The following CTNND2 variants were observed in gnomAD, a reference collection of about 807,000 sequenced individuals.
CTNND2 encodes catenin delta 2, also known as catenin delta-2.
A neutral mutation model predicts 144.4 loss-of-function variants in CTNND2; 22 were observed. The ratio of observed to expected loss-of-function variants is 0.15; its 90% CI spans 0.11 to 0.22. CTNND2 has a LOEUF of 0.22. Ranked by LOEUF, CTNND2 falls within the 10% of genes least tolerant of loss-of-function variation. CTNND2 has a pLI of 1.00. For synonymous variants in CTNND2, 751 were observed against 695.6 expected, an observed-to-expected ratio of 1.08 and a Z score of -1.25; for missense variants, 1,353 against 1,618.8, an observed-to-expected ratio of 0.84 and a Z score of 2.82.
At position 11,683,035 on chromosome 5, in the gene CTNND2, C is replaced by G. The variant is rs150871101; in HGVS notation, c.174+49101G>C. On this transcript the variant is annotated intron_variant, in intron 2 of 21. Transcript: ENST00000304623. ...ACAATTTAAATCACATTTTCTACAT[C>G]ACTTATTTGCCAGTCAATGATGCAT... is the stretch of plus-strand genomic sequence containing the variant. Among the ~76,000 whole-genome samples the G allele has an allele frequency of 6.8e-4, 104 of 152,314 alleles. No individual in the cohort carries two copies. The East Asian group carries it at 0.013, about 20-fold the overall frequency.
chr5:11,453,541 C>T (rs1476718259), intron 3 of CTNND2, among the ~76,000 whole-genome samples: 1 of 152,048 alleles, frequency 6.6e-6, no homozygotes, highest in Non-Finnish European at 1.5e-5. Flanking sequence ...GCCGAAATAT[C>T]AGGGACTCAG....
chr5:11,460,514 T>G (rs1267672759), intron 3 of CTNND2, among the ~76,000 whole-genome samples: 1 of 152,228 alleles, frequency 6.6e-6, no homozygotes, highest in Non-Finnish European at 1.5e-5. Context: ...TACTGTTCTC[T>G]ACTATGCTGT....
At chr5:11,803,466 C>T (rs540902788) in intron 1 of CTNND2, among the ~76,000 whole-genome samples, 136 of 152,332 alleles carry the variant, frequency 8.9e-4, no homozygotes, top group Non-Finnish European at 1.5e-3. Flanking sequence ...CTACTGCTAG[C>T]AGCTACTTAT....
intron 16 of CTNND2, among the ~76,000 whole-genome samples, chr5:11,053,099 G>T (rs181279856): frequency 2.8e-4 from 42 of 152,302 alleles, no homozygotes; most frequent in Admixed American, 2.7e-3. Flanking sequence ...TGACAGATGT[G>T]ATTTGCTGTA....
intron 1 of CTNND2, among the ~76,000 whole-genome samples, chr5:11,790,090 T>C (rs1013913743): frequency 2.0e-5 from 3 of 152,198 alleles, no homozygotes; most frequent in Admixed American, 2.0e-4. Flanking sequence ...GCTTCGAGGA[T>C]TGAATTTGCT....
intron 2 of CTNND2, among the ~76,000 whole-genome samples, chr5:11,679,040 G>T (rs903252667): frequency 5.9e-5 from 9 of 152,062 alleles, no homozygotes; most frequent in African/African-American, 2.2e-4. Context: ...GGAGGGAAAA[G>T]ACTTTTGTTT....
intron 1 of CTNND2, among the ~76,000 whole-genome samples, chr5:11,755,736 G>C (rs1338051450): frequency 6.7e-6 from 1 of 148,434 alleles, no homozygotes; most frequent in East Asian, 2.0e-4. Flanking sequence ...GTTAATACTT[G>C]CAATTATATT....
chr5:11,016,777 A>AT (rs997950998), intron 18 of CTNND2, among the ~76,000 whole-genome samples: 1,499 of 147,438 alleles, frequency 0.01, 20 homozygotes, highest in African/African-American at 0.035. Flanking sequence ...TCCCCTATAT[A>AT]TTTTTTTTTT....
chr5:11,623,839 T>TGC (rs1561631365), intron 2 of CTNND2, among the ~76,000 whole-genome samples: 1 of 124,830 alleles, frequency 8.0e-6, no homozygotes, highest in African/African-American at 3.4e-5. Flanking sequence ...TATATATATA[T>TGC]ATATATATAT....
chr5:11,267,715 T>G (rs1175499521), intron 9 of CTNND2, among the ~76,000 whole-genome samples: 1 of 152,142 alleles, frequency 6.6e-6, no homozygotes, highest in African/African-American at 2.4e-5. Context: ...TAAAGGAAAA[T>G]CTTCAGTTCT....
chr5:11,838,550 A>G (rs773818103), intron 1 of CTNND2, among the ~76,000 whole-genome samples: 4 of 152,186 alleles, frequency 2.6e-5, no homozygotes, highest in African/African-American at 4.8e-5. Context: ...AATAGGATTC[A>G]GCTGTGACAG....
intron 9 of CTNND2, among the ~76,000 whole-genome samples, chr5:11,295,535 A>G (rs1331812045): frequency 6.6e-6 from 1 of 152,214 alleles, no homozygotes; most frequent in Non-Finnish European, 1.5e-5. Flanking sequence ...GTCAATCCTA[A>G]GCTAAAAGAA....
At chr5:11,623,025 A>G (rs1780930285) in intron 2 of CTNND2, among the ~76,000 whole-genome samples, 1 of 152,148 alleles carries the variant, frequency 6.6e-6, no homozygotes, top group Non-Finnish European at 1.5e-5. Flanking sequence ...TTACTGGCAA[A>G]CTGTTCCCAC....
intron 7 of CTNND2, among the ~76,000 whole-genome samples, chr5:11,366,113 TGC>T (rs1359327361): frequency 6.6e-6 from 1 of 152,208 alleles, no homozygotes; most frequent in Non-Finnish European, 1.5e-5. Flanking sequence ...CCTTCCATTT[TGC>T]CTTCCTCAAG....
intron 1 of CTNND2, among the ~76,000 whole-genome samples, chr5:11,849,381 GA>G (rs1794908146): frequency 6.6e-6 from 1 of 152,074 alleles, no homozygotes; most frequent in South Asian, 2.1e-4. Context: ...ATATCAGACA[GA>G]AAGAGAAAAA....
At chr5:11,763,854 C>T (rs1410041681) in intron 1 of CTNND2, among the ~76,000 whole-genome samples, 2 of 152,028 alleles carry the variant, frequency 1.3e-5, no homozygotes, top group Non-Finnish European at 1.5e-5. Flanking sequence ...ACTTACTCAT[C>T]CTGACATTGC....
intron 16 of CTNND2, among the ~76,000 whole-genome samples, chr5:11,059,342 T>A (rs1746675735): frequency 6.6e-6 from 1 of 152,190 alleles, no homozygotes; most frequent in South Asian, 2.1e-4. Context: ...TGAATAAGTC[T>A]CATGAGATCT....
chr5:11,100,428 T>G (rs1255862247), intron 14 of CTNND2, among the ~76,000 whole-genome samples: 2 of 152,136 alleles, frequency 1.3e-5, no homozygotes, highest in Non-Finnish European at 2.9e-5. Context: ...TACATCTCCT[T>G]TAAATTAAAA....
At chr5:11,452,901 G>A (rs187811291) in intron 3 of CTNND2, among the ~76,000 whole-genome samples, 3 of 152,300 alleles carry the variant, frequency 2.0e-5, no homozygotes, top group Non-Finnish European at 4.4e-5. Flanking sequence ...ATCAATTGTA[G>A]GGTGAAGAAA....
Sources: gnomAD v4.1 joint callset for allele counts (sites outside exome capture counted in the v4.1 genomes callset) on GRCh38, gnomAD v4.1.1 for gene constraint, MANE v1.5 for transcripts, NCBI Gene and HGNC (gene_info 2026-07-23, HGNC 2026-07-21) for gene names.